The following RELL1 variants were observed in gnomAD, a reference collection of about 807,000 sequenced individuals.
The protein encoded by RELL1 is RELT-like protein 1.
In RELL1, 10 loss-of-function variants were observed where a neutral mutation model predicts 23.0. The observed-to-expected ratio is 0.43, with a 90% CI of 0.27 to 0.74. The LOEUF (loss-of-function observed/expected upper bound fraction) is 0.74. RELL1 is among the 30% of genes least tolerant of loss of function. The pLI, the probability that RELL1 is intolerant of heterozygous loss-of-function variation, is 0.19. For missense variants in RELL1, 315 were observed against 364.4 expected, an observed-to-expected ratio of 0.86 and a Z score of 1.10; for synonymous variants, 146 against 146.8, an observed-to-expected ratio of 0.99 and a Z score of 0.04.
rs1719106623 is a variant in RELL1 at position 37,604,752 on chromosome 4, AAAC to A, written c.*4-13538_*4-13536del. Among the ~76,000 whole-genome samples, 2 of 125,522 alleles carry A rather than the reference AAAC, an allele frequency of 1.6e-5. 1 individual carries two copies. The highest frequency in any genetic ancestry group is 5.1e-4 in the South Asian group (2 of 3,916). 82.3% of individuals were successfully genotyped at this position (125,522 alleles called of 152,430 possible). A position where few individuals can be genotyped will look rare whatever the true frequency, so the allele number is the denominator to read the frequency against. On this transcript the variant is annotated intron_variant, in intron 6 of 6. Transcript: ENST00000314117. ...TTTTGACAGAATACTGTAAGGCTAAAAACAAGAACCACACACACACACAGACAC... is the reference window on the plus strand; with the variant it reads ...TTTTGACAGAATACTGTAAGGCTAAAAAGAACCACACACACACACAGACAC...
At position 37,612,518 on chromosome 4, in the gene RELL1, C is replaced by T. The variant is rs1273833656; in HGVS notation, c.*828G>A. 1.3e-5 allele frequency among the ~76,000 whole-genome samples: 2 copies of T among 151,602 alleles called. No homozygotes were observed. The highest frequency in any genetic ancestry group is 2.9e-5 in the Non-Finnish European group (2 of 67,960). On this transcript the variant is annotated 3_prime_UTR_variant, in exon 7 of 7. Transcript: ENST00000454158. Reference sequence around the variant, plus strand: ...GAGCGTGGTGGTGCATGCCTGTAATCCCAGCTACTTGGGAGGCTGAGGCAG... The same window carrying T: ...GAGCGTGGTGGTGCATGCCTGTAATTCCAGCTACTTGGGAGGCTGAGGCAG...
intron 6 of RELL1, among the ~76,000 whole-genome samples, chr4:37,626,953 C>T (rs1249161359): frequency 6.6e-6 from 1 of 152,062 alleles, no homozygotes; most frequent in East Asian, 1.9e-4. Flanking sequence ...ATCTATTGTA[C>T]AACATGGTGA....
rs554277129 is a variant in RELL1, at chr4:37,648,434, G to A, written c.313+842C>T. Among the ~76,000 whole-genome samples the A allele has an allele frequency of 2.0e-5, 3 of 152,324 alleles. No homozygotes were observed. In the East Asian group the frequency reaches 5.8e-4, roughly 29 times the overall value. ...CTCAGCCAGCCCTGCTTTGCCTGAA[G>A]GGCGACCTACTCCAATGTCACCTTT... On this transcript the variant is annotated intron_variant, in intron 2 of 6. Coordinates refer to ENST00000454158, the MANE Select transcript of RELL1 (RefSeq NM_001085400.2).
chr4:37,686,148 C>T, intron 1 of RELL1, 52 bp downstream of exon 1: 8 of 1,476,670 alleles, frequency 5.4e-6, no homozygotes, highest in Non-Finnish European at 7.3e-6. Flanking sequence ...TCCTTCCGCG[C>T]TCCCGGGACC....
intron 1 of RELL1, among the ~76,000 whole-genome samples, chr4:37,653,442 A>G (rs1577592264): frequency 7.6e-6 from 1 of 131,218 alleles, no homozygotes; most frequent in Non-Finnish European, 1.6e-5. Flanking sequence ...CAAGTATTGA[A>G]TACTCAATAC....
At chr4:37,609,692 G>C (rs1180500791), downstream of RELL1, among the ~76,000 whole-genome samples, 1 of 152,194 alleles carries the variant, frequency 6.6e-6, no homozygotes, top group East Asian at 1.9e-4. Context: ...AACCCTCACA[G>C]ATGACTTGGA....
chr4:37,608,235 AAAGG>A (rs1458607941), downstream of RELL1, among the ~76,000 whole-genome samples: 1 of 152,178 alleles, frequency 6.6e-6, no homozygotes, highest in African/African-American at 2.4e-5. Flanking sequence ...TGCTCAAGTG[AAAGG>A]AAGGGTCACA....
chr4:37,664,025 C>T (rs1350136509), intron 1 of RELL1, among the ~76,000 whole-genome samples: 1 of 152,134 alleles, frequency 6.6e-6, no homozygotes, highest in East Asian at 1.9e-4. Flanking sequence ...TTTGTAGTGG[C>T]TTCATTTTTT....
chr4:37,640,468 C>T lies in RELL1; in HGVS notation c.386-1964G>A, dbSNP rs376026342. On this transcript the variant is annotated intron_variant, in intron 3 of 6. Transcript: ENST00000454158. The stretch of plus-strand genomic sequence containing the variant: ...CAGATACTAGGTTTGGATATACAAT[C>T]CCATATACAATTTTGTATTTTATTG... Among the ~76,000 whole-genome samples the T allele has an allele frequency of 5.8e-4, 89 of 152,274 alleles. 2 individuals are homozygous for T. In the South Asian group the frequency reaches 0.016, roughly 27 times the overall value.
chr4:37,667,121 T>G (rs746156239), intron 1 of RELL1, among the ~76,000 whole-genome samples: 1 of 152,002 alleles, frequency 6.6e-6, no homozygotes, highest in African/African-American at 2.4e-5. Context: ...AGGAAAACCC[T>G]AGACGTAGGG....
At chr4:37,596,151 T>A (rs1406141053) in intron 6 of RELL1, among the ~76,000 whole-genome samples, 1 of 152,226 alleles carries the variant, frequency 6.6e-6, no homozygotes. Context: ...AATCCGGCTG[T>A]GCCTCTTGCT....
intron 1 of RELL1, among the ~76,000 whole-genome samples, chr4:37,654,667 C>CA (rs1364256198): frequency 6.6e-6 from 1 of 152,024 alleles, no homozygotes; most frequent in Non-Finnish European, 1.5e-5. Context: ...TTATAAAAGT[C>CA]AAAAAATAGC....
At chr4:37,662,790 C>A in intron 1 of RELL1, among the ~76,000 whole-genome samples, 1 of 151,986 alleles carries the variant, frequency 6.6e-6, no homozygotes, top group East Asian at 1.9e-4. Context: ...CCCCCACCTC[C>A]CACCTCGCCC....
intron 6 of RELL1, among the ~76,000 whole-genome samples, chr4:37,614,709 C>A (rs1489858893): frequency 6.6e-6 from 1 of 151,472 alleles, no homozygotes; most frequent in African/African-American, 2.4e-5. Flanking sequence ...AGGGAATTTT[C>A]CAGGCAAAAC....
At chr4:37,675,290 T>A (rs1721990079) in intron 1 of RELL1, among the ~76,000 whole-genome samples, 1 of 152,250 alleles carries the variant, frequency 6.6e-6, no homozygotes, top group African/African-American at 2.4e-5. Flanking sequence ...GGGCACCGAA[T>A]ACCTGCAATT....
intron 6 of RELL1, among the ~76,000 whole-genome samples, chr4:37,595,544 G>T (rs1035889600): frequency 1.7e-5 from 2 of 119,034 alleles, no homozygotes; most frequent in Non-Finnish European, 4.1e-5. Flanking sequence ...GAGATATCAT[G>T]CAGGTAGCCA....
rs376603610 is a variant in RELL1, at chr4:37,620,963, G to C, written c.*4-7621C>G. ...CCCCACTTAACAGATGGAGAAGCTG[G>C]GGCATCAGAGGCTAAGTAATTTGCC... On this transcript the variant is annotated intron_variant, in intron 6 of 6. Coordinates refer to ENST00000454158, the MANE Select transcript of RELL1 (RefSeq NM_001085400.2). 1.9e-3 allele frequency among the ~76,000 whole-genome samples: 284 copies of C among 152,220 alleles called. 3 individuals carry two copies. The highest frequency in any genetic ancestry group is 6.4e-3 in the African/African-American group (264 of 41,518).
chr4:37,647,493 GTCAA>G, intron 2 of RELL1, 54 bp from the exon 3 acceptor site: 1 of 1,251,890 alleles, frequency 8.0e-7, no homozygotes, highest in Non-Finnish European at 1.2e-6. Flanking sequence ...CCAGCATCAA[GTCAA>G]TCAATCTTAG....
At chr4:37,669,669 T>C (rs535880702) in intron 1 of RELL1, among the ~76,000 whole-genome samples, 1 of 152,224 alleles carries the variant, frequency 6.6e-6, no homozygotes, top group Admixed American at 6.5e-5. Flanking sequence ...TGGGAGACTT[T>C]TCATTTTGTT....
Sources: allele counts gnomAD v4.1 joint callset (sites outside exome capture counted in the v4.1 genomes callset), GRCh38; gene constraint gnomAD v4.1.1; transcripts MANE v1.5; gene names NCBI Gene and HGNC (gene_info 2026-07-23, HGNC 2026-07-21).